The following PLCXD3 variants were observed in gnomAD, a reference collection of about 807,000 sequenced individuals.
PLCXD3 encodes the protein phosphatidylinositol specific phospholipase C X domain containing 3.
Under a neutral mutation model 25.5 loss-of-function variants are expected in PLCXD3, and 19 were observed. The ratio of observed to expected loss-of-function variants is 0.75; its 90% CI spans 0.52 to 1.09. PLCXD3 has a LOEUF of 1.09. Among genes scored for constraint, PLCXD3 ranks in the 50% least tolerant of loss-of-function variants. The pLI is 0.00. For synonymous variants in PLCXD3, 174 were observed against 137.6 expected, an observed-to-expected ratio of 1.26 and a Z score of -1.85; for missense variants, 411 against 388.1, an observed-to-expected ratio of 1.06 and a Z score of -0.50.
intron 1 of PLCXD3, among the ~76,000 whole-genome samples, chr5:41,443,302 T>C (rs1221751502): frequency 6.6e-6 from 1 of 151,948 alleles, no homozygotes; most frequent in Non-Finnish European, 1.5e-5. Context: ...CTTGAAGCAC[T>C]CAGTACAGGT....
intron 1 of PLCXD3, among the ~76,000 whole-genome samples, chr5:41,413,751 G>C (rs1388955047): frequency 6.6e-6 from 1 of 152,154 alleles, no homozygotes; most frequent in Non-Finnish European, 1.5e-5. Context: ...CCCAGTGTGA[G>C]TAGGCTTTGA....
chr5:41,465,353 C>CTCTTT (rs1747991676), intron 1 of PLCXD3, among the ~76,000 whole-genome samples: 8 of 13,224 alleles, frequency 6.0e-4, no homozygotes, highest in Non-Finnish European at 9.4e-4. Flanking sequence ...TAGTTCTTGT[C>CTCTTT]TTTTTTTTTT....
At chr5:41,399,754 T>C (rs1449962443) in intron 1 of PLCXD3, among the ~76,000 whole-genome samples, 1 of 152,136 alleles carries the variant, frequency 6.6e-6, no homozygotes, top group Non-Finnish European at 1.5e-5. Context: ...CAAGAAAACG[T>C]TGGAGAAACT....
chr5:41,503,987 T>TTGTGTGTG lies in PLCXD3; in HGVS notation c.103+6429_103+6436dup, dbSNP rs36021542. The stretch of plus-strand genomic sequence containing the variant: ...AAAATGTGTGTGTGTGTGTGTGCAC[T>TTGTGTGTG]TGTGTGTGTGTGTGTGTGTGTGTGA... On this transcript the variant is annotated intron_variant, in intron 1 of 2. Transcript: ENST00000377801. Among the ~76,000 whole-genome samples the TTGTGTGTG allele has an allele frequency of 7.1e-3, 1,054 of 148,550 alleles. 15 individuals are homozygous for TTGTGTGTG. The highest frequency in any genetic ancestry group is 0.025 in the African/African-American group (1,000 of 40,510).
At chr5:41,497,836 A>G (rs1748873043) in intron 1 of PLCXD3, among the ~76,000 whole-genome samples, 1 of 151,852 alleles carries the variant, frequency 6.6e-6, no homozygotes, top group Non-Finnish European at 1.5e-5. Flanking sequence ...GTATCCTTCA[A>G]GTATCTTCTT....
intron 2 of PLCXD3, among the ~76,000 whole-genome samples, chr5:41,377,710 C>A (rs1227973868): frequency 6.6e-6 from 1 of 152,048 alleles, no homozygotes; most frequent in Non-Finnish European, 1.5e-5. Flanking sequence ...TAAATCCAGG[C>A]TAGATTTAGT....
At chr5:41,326,304 C>T (rs993470310) in intron 2 of PLCXD3, among the ~76,000 whole-genome samples, 38 of 151,464 alleles carry the variant, frequency 2.5e-4, no homozygotes, top group Non-Finnish European at 4.4e-4. Context: ...AGTCTTGTGC[C>T]TATGTTCCTT....
Position 41,312,713 on chromosome 5 carries a change from C to CTTCCTTCCTTCCTTCCTTCA in PLCXD3, c.*903_*904insTGAAGGAAGGAAGGAAGGAA, listed in dbSNP as rs1743170363. On this transcript the variant is annotated 3_prime_UTR_variant, in exon 3 of 3. Transcript: ENST00000377801. ...CCTTCCTTCCTTCCTTCCTTCCTTCCTTCCTTCCTTCCTTCCTTCCTTCTG... is the reference window on the plus strand; with the variant it reads ...CCTTCCTTCCTTCCTTCCTTCCTTCCTTCCTTCCTTCCTTCCTTCATTCCTTCCTTCCTTCCTTCCTTCTG... The CTTCCTTCCTTCCTTCCTTCA allele has an allele frequency of 6.8e-6, 1 of 146,110 alleles. No individual in the cohort carries two copies. The highest frequency in any genetic ancestry group is 1.5e-5 in the Non-Finnish European group (1 of 66,698). The allele number at this position is 146,110 out of a possible 1,614,324, so 9.1% of individuals were successfully genotyped here. A position where few individuals can be genotyped will look rare whatever the true frequency, so the allele number is the denominator to read the frequency against.
chr5:41,421,249 A>T (rs1245759343), intron 1 of PLCXD3, among the ~76,000 whole-genome samples: 1 of 152,204 alleles, frequency 6.6e-6, no homozygotes, highest in Admixed American at 6.5e-5. Flanking sequence ...ATTTATTGTC[A>T]ACTATACATT....
chr5:41,478,050 C>T (rs978026376), intron 1 of PLCXD3, among the ~76,000 whole-genome samples: 2 of 152,162 alleles, frequency 1.3e-5, no homozygotes, highest in Non-Finnish European at 2.9e-5. Flanking sequence ...CAAAGTATAG[C>T]AATGGCTAAC....
rs181876102 is a variant in PLCXD3 at position 41,483,502 on chromosome 5, G to A, written c.103+26922C>T. ...AAGATAAAATATATGCTATATCTTCGTAATACATAAAGTGCTTTATAAGTG... is the reference window on the plus strand; with the variant it reads ...AAGATAAAATATATGCTATATCTTCATAATACATAAAGTGCTTTATAAGTG... On this transcript the variant is annotated intron_variant, in intron 1 of 2. Coordinates refer to ENST00000377801, the MANE Select transcript of PLCXD3 (RefSeq NM_001005473.3). 2.0e-3 allele frequency among the ~76,000 whole-genome samples: 305 copies of A among 152,132 alleles called. 1 individual carries two copies. Among genetic ancestry groups the A allele is most frequent in the African/African-American group, 6.8e-3 (282 of 41,522 alleles).
At chr5:41,383,924 G>A (rs1004859990) in intron 1 of PLCXD3, among the ~76,000 whole-genome samples, 6 of 151,672 alleles carry the variant, frequency 4.0e-5, no homozygotes, top group South Asian at 2.1e-4. Flanking sequence ...CTACATTTAT[G>A]TATATATATC....
intron 1 of PLCXD3, among the ~76,000 whole-genome samples, chr5:41,447,243 A>T (rs1232440565): frequency 6.6e-6 from 1 of 152,318 alleles, no homozygotes; most frequent in East Asian, 1.9e-4. Flanking sequence ...AGCATTAATA[A>T]GTTAACAGAA....
In PLCXD3 at chr5:41,457,968, C is replaced by T. The variant is rs111852525; in HGVS notation, c.103+52456G>A. ...ACTGGATGTGAGGGAAAACTGTAGA[C>T]ATGGGGACAAAGAAAAAAATAGAAG... On this transcript the variant is annotated intron_variant, in intron 1 of 2. Coordinates refer to ENST00000377801, the MANE Select transcript of PLCXD3 (RefSeq NM_001005473.3). 5.6e-3 allele frequency among the ~76,000 whole-genome samples: 849 copies of T among 151,870 alleles called. 8 individuals carry two copies. The highest frequency in any genetic ancestry group is 0.018 in the African/African-American group (749 of 41,460).
chr5:41,315,282 T>C (rs564825334), intron 2 of PLCXD3, among the ~76,000 whole-genome samples: 2 of 151,442 alleles, frequency 1.3e-5, no homozygotes, highest in African/African-American at 4.8e-5. Flanking sequence ...TTGAGGGAAA[T>C]ACATGTGAAC....
intron 1 of PLCXD3, among the ~76,000 whole-genome samples, chr5:41,436,356 C>T (rs1055275902): frequency 6.6e-6 from 1 of 152,014 alleles, no homozygotes. Context: ...CTGGATTCAC[C>T]TCTTACTAGC....
At chr5:41,324,414 T>C (rs1743562251) in intron 2 of PLCXD3, among the ~76,000 whole-genome samples, 1 of 152,160 alleles carries the variant, frequency 6.6e-6, no homozygotes, top group Non-Finnish European at 1.5e-5. Context: ...ATCCATAATT[T>C]CAGCATATAC....
rs73079710 is a variant in PLCXD3 at position 41,428,496 on chromosome 5, C to T, written c.104-45962G>A. On this transcript the variant is annotated intron_variant, in intron 1 of 2. Transcript: ENST00000377801. Reference sequence around the variant, plus strand: ...GCGTATGTACACAGAGAAAAGATCACGTGAGGACACAGAGAGGTCTGCAAA... The same window carrying T: ...GCGTATGTACACAGAGAAAAGATCATGTGAGGACACAGAGAGGTCTGCAAA... Among the ~76,000 whole-genome samples, 977 of 150,016 alleles carry T rather than the reference C, an allele frequency of 6.5e-3. 10 individuals carry two copies. The highest frequency in any genetic ancestry group is 0.023 in the African/African-American group (930 of 40,950).
chr5:41,450,724 C>T (rs779181360), intron 1 of PLCXD3, among the ~76,000 whole-genome samples: 49 of 152,172 alleles, frequency 3.2e-4, no homozygotes, highest in Non-Finnish European at 5.9e-4. Flanking sequence ...TCTCCTAAGT[C>T]CCCGGGCTGC....
Sources: gnomAD v4.1 joint callset for allele counts (sites outside exome capture counted in the v4.1 genomes callset) on GRCh38, gnomAD v4.1.1 for gene constraint, MANE v1.5 for transcripts, NCBI Gene and HGNC (gene_info 2026-07-23, HGNC 2026-07-21) for gene names.